ENKUR: variants seen among roughly 807,000 people sequenced by gnomAD.
The protein encoded by ENKUR is enkurin, TRPC channel interacting protein, also known as enkurin.
ENKUR carries 19 observed loss-of-function variants against 27.6 expected under a neutral mutation model. The ratio of observed to expected loss-of-function variants is 0.69; its 90% CI spans 0.48 to 1.01. The LOEUF is 1.01. ENKUR is among the 50% of genes least tolerant of loss of function. ENKUR has a pLI of 0.00. For missense variants in ENKUR, 312 were observed against 310.5 expected (o/e 1.00, Z -0.04); for synonymous variants, 117 against 96.9 (o/e 1.21, Z -1.22).
intron 4 of ENKUR, among the ~76,000 whole-genome samples, chr10:24,986,015 C>T (rs537925328): frequency 2.0e-5 from 3 of 152,174 alleles, no homozygotes; most frequent in East Asian, 1.9e-4. Flanking sequence ...CTGCAGTGAG[C>T]GATGATTGCG....
At chr10:25,052,645 AC>A (rs1851199214) in intron 2 of ENKUR, among the ~76,000 whole-genome samples, 1 of 151,956 alleles carries the variant, frequency 6.6e-6, no homozygotes, top group Admixed American at 6.6e-5. Context: ...GGTTCTGAGA[AC>A]CTGTAGTCTC....
At chr10:25,024,813 T>C in intron 2 of ENKUR, 1 of 1,614,188 alleles carries the variant, frequency 6.2e-7, no homozygotes, top group Middle Eastern at 1.7e-4. Flanking sequence ...TTCGAAAATT[T>C]ATCTGTGCCT....
chr10:24,984,451 T>C, intron 5 of ENKUR, 75 bp from the exon 6 acceptor site: 1 of 1,473,586 alleles, frequency 6.8e-7, no homozygotes, highest in South Asian at 1.3e-5. Flanking sequence ...TTAATGTTTA[T>C]GTGAAACAAG....
chr10:25,060,848 C>A (rs1851318044), intron 2 of ENKUR, among the ~76,000 whole-genome samples: 1 of 152,120 alleles, frequency 6.6e-6, no homozygotes, highest in African/African-American at 2.4e-5. Context: ...GCTAGGACTA[C>A]AGGTGTGTGC....
At chr10:24,988,123 C>T (rs1396298242) in intron 4 of ENKUR, among the ~76,000 whole-genome samples, 2 of 151,276 alleles carry the variant, frequency 1.3e-5, no homozygotes, top group East Asian at 3.9e-4. Context: ...ACTCGGGAGG[C>T]TGAGGCATGA....
Position 24,984,894 on chromosome 10 carries a change from C to CT in ENKUR, c.605dup (p.Asn203GlufsTer7), listed in dbSNP as rs1346377357. ...ATTCTTTATGCACCTCTTCCCAGTT[C>CT]TTTTTCAGCCCCTGCAAATGGTCAA... On this transcript the variant is annotated frameshift_variant, in exon 5 of 6. Coordinates refer to ENST00000331161, the MANE Select transcript of ENKUR (RefSeq NM_145010.4). LOFTEE classifies it high-confidence loss of function. The CT allele has an allele frequency of 1.2e-6, 2 of 1,611,386 alleles. No homozygotes were observed. Among genetic ancestry groups the CT allele is most frequent in the Non-Finnish European group, 8.5e-7 (1 of 1,179,284 alleles).
intron 2 of ENKUR, among the ~76,000 whole-genome samples, chr10:25,059,245 G>C (rs561898910): frequency 5.4e-4 from 80 of 147,114 alleles, no homozygotes; most frequent in African/African-American, 1.9e-3. Flanking sequence ...CGATTCTCTT[G>C]CCTCAGCCTC....
At chr10:25,033,919 C>G (rs1338345094) in intron 2 of ENKUR, among the ~76,000 whole-genome samples, 2 of 151,910 alleles carry the variant, frequency 1.3e-5, no homozygotes, top group African/African-American at 4.8e-5. Flanking sequence ...ACATCTATCT[C>G]TCTCTCTATA....
intron 3 of ENKUR, among the ~76,000 whole-genome samples, chr10:24,991,953 CT>C (rs1243951906): frequency 2.0e-5 from 3 of 152,188 alleles, no homozygotes; most frequent in Non-Finnish European, 4.4e-5. Flanking sequence ...CATGCTCCCC[CT>C]AGAAGTGTGA....
At chr10:25,054,195 C>T (rs1219978429) in intron 2 of ENKUR, among the ~76,000 whole-genome samples, 4 of 152,052 alleles carry the variant, frequency 2.6e-5, no homozygotes, top group South Asian at 2.1e-4. Context: ...CTGAGGTGGG[C>T]GGATCACTTG....
intron 2 of ENKUR, among the ~76,000 whole-genome samples, chr10:25,042,456 G>C (rs1020049014): frequency 6.6e-6 from 1 of 151,734 alleles, no homozygotes; most frequent in Non-Finnish European, 1.5e-5. Flanking sequence ...CACCACACCC[G>C]GCTAAATTTT....
intron 2 of ENKUR, among the ~76,000 whole-genome samples, chr10:25,027,931 C>G (rs932103523): frequency 6.6e-6 from 1 of 152,092 alleles, no homozygotes; most frequent in South Asian, 2.1e-4. Context: ...TTCAGTCGTA[C>G]AAGCAAAAGA....
intron 1 of ENKUR, among the ~76,000 whole-genome samples, chr10:25,011,479 G>A (rs1311640646): frequency 6.6e-6 from 1 of 152,114 alleles, no homozygotes; most frequent in Non-Finnish European, 1.5e-5. Flanking sequence ...ACAAGCAATA[G>A]GGAAAGGATT....
In ENKUR at chr10:24,983,541, T is replaced by G. The variant is rs1400676369; in HGVS notation, c.*829A>C. 1 of 152,246 alleles carries G rather than the reference T, an allele frequency of 6.6e-6. No individual in the cohort carries two copies. The highest frequency in any genetic ancestry group is 1.5e-5 in the Non-Finnish European group (1 of 68,042). 9.4% of individuals were successfully genotyped at this position (152,246 alleles called of 1,614,324 possible). On this transcript the variant is annotated 3_prime_UTR_variant, in exon 6 of 6. Transcript: ENST00000331161. Reference sequence around the variant, plus strand: ...GTGAGAATTTGTCATATATTATCCTTTATTTTATATCTGCCCTAAGTTAAT... The same window carrying G: ...GTGAGAATTTGTCATATATTATCCTGTATTTTATATCTGCCCTAAGTTAAT...
chr10:25,038,294 T>A (rs900052330), intron 2 of ENKUR, among the ~76,000 whole-genome samples: 1 of 152,232 alleles, frequency 6.6e-6, no homozygotes, highest in Non-Finnish European at 1.5e-5. Context: ...ATTTACACTT[T>A]AAGTAGACAT....
upstream of ENKUR, among the ~76,000 whole-genome samples, chr10:25,021,109 C>T (rs1011157387): frequency 6.6e-6 from 1 of 152,084 alleles, no homozygotes; most frequent in Non-Finnish European, 1.5e-5. Flanking sequence ...TAAACCAAAC[C>T]ATAAAAAAAA....
intron 2 of ENKUR, chr10:25,022,015 A>G (rs1460819060): frequency 6.6e-6 from 1 of 152,204 alleles, no homozygotes; most frequent in African/African-American, 2.4e-5. Flanking sequence ...TTTTCAGAAC[A>G]TATTTTAACA....
intron 1 of ENKUR, among the ~76,000 whole-genome samples, chr10:25,004,900 C>T (rs973284423): frequency 2.0e-5 from 3 of 152,098 alleles, no homozygotes; most frequent in Non-Finnish European, 4.4e-5. Context: ...TTGGGTTTTA[C>T]GTTTAAGTCT....
intron 2 of ENKUR, among the ~76,000 whole-genome samples, chr10:25,045,636 G>A (rs1389652233): frequency 6.6e-6 from 1 of 152,096 alleles, no homozygotes; most frequent in African/African-American, 2.4e-5. Flanking sequence ...CTGAGACATT[G>A]TTGACTAATA....
Sources: allele counts gnomAD v4.1 joint callset (sites outside exome capture counted in the v4.1 genomes callset), GRCh38; gene constraint gnomAD v4.1.1; transcripts MANE v1.5; gene names NCBI Gene and HGNC (gene_info 2026-07-23, HGNC 2026-07-21).